The following ASIC4 variants were observed in gnomAD, a reference collection of about 807,000 sequenced individuals.
ASIC4 encodes acid-sensing ion channel 4.
ASIC4 carries 28 observed loss-of-function variants against 53.4 expected under a neutral mutation model. That is an observed-to-expected ratio of 0.52 (90% CI 0.39 to 0.72). The LOEUF is 0.72. ASIC4 is among the 30% of genes least tolerant of loss of function. The probability of loss-of-function intolerance (pLI) is 0.00; values close to 1 mark genes in which losing one functional copy is unlikely to be tolerated. For synonymous variants in ASIC4, 289 were observed against 301.4 expected (o/e 0.96, Z 0.43); for missense variants, 649 against 729.7 (o/e 0.89, Z 1.27).
upstream of ASIC4, chr2:219,514,370 G>A (rs528539886): frequency 3.3e-5 from 51 of 1,545,518 alleles, no homozygotes; most frequent in Admixed American, 4.7e-4. Context: ...CTGGGGCTGC[G>A]CGGCGTGGCG....
intron 5 of ASIC4, chr2:219,533,417 G>GTAAT: frequency 5.5e-6 from 1 of 182,142 alleles, no homozygotes; most frequent in South Asian, 1.3e-4. Flanking sequence ...AGGTGAGAGT[G>GTAAT]GGGGCGACAG....
rs1302864256 is a variant in ASIC4 at position 219,535,337 on chromosome 2, G to A, written c.1229+13G>A. ...AGACCTACATACGGTATGTGTGTGT[G>A]TGTGTGGGGGGTGGCTGTGTGACTC... is the stretch of plus-strand genomic sequence containing the variant. On this transcript the variant is annotated intron_variant, in intron 6 of 9. Transcript: ENST00000358078. 2.5e-6 allele frequency: 4 copies of A among 1,570,708 alleles called. No homozygotes were observed. The highest frequency in any genetic ancestry group is 1.7e-6 in the Non-Finnish European group (2 of 1,158,676).
Position 219,516,023 on chromosome 2 carries a change from T to A in ASIC4, c.582+717T>A, listed in dbSNP as rs1302043041. Among the ~76,000 whole-genome samples, 1 of 152,174 alleles carries A rather than the reference T, an allele frequency of 6.6e-6. No individual in the cohort carries two copies. The highest frequency in any genetic ancestry group is 1.9e-4 in the East Asian group (1 of 5,184). ...TGGGAATCACTGGTTCACTCTTATG[T>A]GCATAACTCACCCTCACTGCTGCCC... is the stretch of plus-strand genomic sequence containing the variant. On this transcript the variant is annotated intron_variant, in intron 1 of 9. Coordinates refer to ENST00000358078, the MANE Select transcript of ASIC4 (RefSeq NM_018674.6). The surrounding 1 kb of genome is among the most constrained non-coding windows in gnomAD (Gnocchi z 4.9).
chr2:219,510,507 C>G (rs1441224996), upstream of ASIC4, among the ~76,000 whole-genome samples: 1 of 152,168 alleles, frequency 6.6e-6, no homozygotes, highest in Non-Finnish European at 1.5e-5. The surrounding 1 kb of genome is among the most constrained non-coding windows in gnomAD (Gnocchi z 5.2). Context: ...CAGCCCTCCC[C>G]CGCAGGCCCC....
rs1695148424 is a variant in ASIC4 at position 219,536,973 on chromosome 2, A to G, written c.1230-93A>G. 1 of 1,124,740 alleles carries G rather than the reference A, an allele frequency of 8.9e-7. No homozygotes were observed. Among genetic ancestry groups the G allele is most frequent in the Admixed American group, 1.9e-5 (1 of 53,924 alleles). 69.7% of individuals were successfully genotyped at this position (1,124,740 alleles called of 1,614,324 possible). ...TAGTCACTGACTTCCCCATGTAGTG[A>G]TCTCTGATCAGGATCTGCTGGATCC... On this transcript the variant is annotated intron_variant, in intron 6 of 9. Transcript: ENST00000358078. The surrounding 1 kb of genome is among the most constrained non-coding windows in gnomAD (Gnocchi z 4.6).
At chr2:219,512,540 G>C (rs188346400), upstream of ASIC4, among the ~76,000 whole-genome samples, 1 of 152,300 alleles carries the variant, frequency 6.6e-6, no homozygotes, top group African/African-American at 2.4e-5. Context: ...GAGGAACAGT[G>C]GGGGGAGTTC....
upstream of ASIC4, among the ~76,000 whole-genome samples, chr2:219,511,576 G>A (rs191888434): frequency 2.2e-4 from 33 of 152,222 alleles, no homozygotes; most frequent in East Asian, 4.5e-3. The surrounding 1 kb of genome is among the most constrained non-coding windows in gnomAD (Gnocchi z 5.3). Context: ...TTCTGACCCC[G>A]CAACACCCAG....
At chr2:219,529,387 A>C (rs1004661539) in intron 1 of ASIC4, among the ~76,000 whole-genome samples, 1 of 152,050 alleles carries the variant, frequency 6.6e-6, no homozygotes, top group African/African-American at 2.4e-5. Context: ...GAAGGAGAGG[A>C]CTTGGGGGAC....
chr2:219,533,092 G>T, intron 5 of ASIC4, 153 bp downstream of exon 5: 1 of 815,606 alleles, frequency 1.2e-6, no homozygotes, highest in Non-Finnish European at 2.1e-6. Context: ...GTGGGGTTGG[G>T]GAGAGGTCTG....
Position 219,514,501 on chromosome 2 carries a change from A to G in ASIC4, c.-224A>G, listed in dbSNP as rs1411403181. ...ACGATCGAGGAGAGAGACAAGCGGCAGCAGAGGCAGCAGCGGCAGAGGCAG... is the reference window on the plus strand; with the variant it reads ...ACGATCGAGGAGAGAGACAAGCGGCGGCAGAGGCAGCAGCGGCAGAGGCAG... On this transcript the variant is annotated 5_prime_UTR_variant, in exon 1 of 10. Coordinates refer to ENST00000358078, the MANE Select transcript of ASIC4 (RefSeq NM_018674.6). 4 of 1,549,118 alleles carry G rather than the reference A, an allele frequency of 2.6e-6. No individual in the cohort carries two copies. The highest frequency in any genetic ancestry group is 2.7e-5 in the African/African-American group (2 of 73,006).
At chr2:219,526,242 C>T (rs1188142593) in intron 1 of ASIC4, among the ~76,000 whole-genome samples, 1 of 152,122 alleles carries the variant, frequency 6.6e-6, no homozygotes, top group Admixed American at 6.5e-5. Flanking sequence ...GGACAACTCT[C>T]TCCCAACCCC....
intron 1 of ASIC4, among the ~76,000 whole-genome samples, chr2:219,526,910 G>T (rs1694970337): frequency 6.6e-6 from 1 of 152,210 alleles, no homozygotes. Context: ...AGGAGGACAT[G>T]GGGGTCTGAG....
chr2:219,537,224 T>A lies in ASIC4; in HGVS notation c.1322-18T>A. 6.2e-7 allele frequency: 1 copy of A among 1,612,618 alleles called. No homozygotes were observed. The highest frequency in any genetic ancestry group is 8.5e-7 in the Non-Finnish European group (1 of 1,178,946). On this transcript the variant is annotated intron_variant, in intron 7 of 9. Coordinates refer to ENST00000358078, the MANE Select transcript of ASIC4 (RefSeq NM_018674.6). This position sits in a 1 kb window ranked among gnomAD's most constrained non-coding sequence, Gnocchi z 4.9. Reference sequence around the variant, plus strand: ...TCGGCCCGGCCGCTCCCTCTGACACTGCTCTCCTGCTTCCCAGGAGACCTC... The same window carrying A: ...TCGGCCCGGCCGCTCCCTCTGACACAGCTCTCCTGCTTCCCAGGAGACCTC...
chr2:219,508,797 G>A, the ASIC4 span, among the ~76,000 whole-genome samples: 3 of 151,822 alleles, frequency 2.0e-5, no homozygotes, highest in Admixed American at 1.3e-4. Context: ...AGGGAACTGG[G>A]GTGGGAAGTG....
intron 1 of ASIC4, among the ~76,000 whole-genome samples, chr2:219,525,890 G>A (rs1399545019): frequency 1.3e-5 from 2 of 152,228 alleles, no homozygotes; most frequent in African/African-American, 4.8e-5. Flanking sequence ...TAGAATTTGG[G>A]GGAAGGGATA....
At chr2:219,515,804 G>A (rs1180284507) in intron 1 of ASIC4, among the ~76,000 whole-genome samples, 6 of 152,196 alleles carry the variant, frequency 3.9e-5, no homozygotes, top group East Asian at 1.9e-4. Context: ...GGCCTGGTGG[G>A]CAGGCTGGAG....
chr2:219,511,638 A>G (rs907429786), upstream of ASIC4, among the ~76,000 whole-genome samples: 6 of 151,886 alleles, frequency 4.0e-5, no homozygotes, highest in Non-Finnish European at 7.4e-5. The surrounding 1 kb of genome is among the most constrained non-coding windows in gnomAD (Gnocchi z 5.3). Flanking sequence ...CCCTTTGCTC[A>G]CACCCAGCTC....
At chr2:219,522,795 G>C (rs1018455112) in intron 1 of ASIC4, among the ~76,000 whole-genome samples, 2 of 152,082 alleles carry the variant, frequency 1.3e-5, no homozygotes, top group Middle Eastern at 3.2e-3. Flanking sequence ...CTCTGGCGCT[G>C]CTGTGTGCGG....
chr2:219,522,378 G>C (rs1281281994), intron 1 of ASIC4, among the ~76,000 whole-genome samples: 3 of 150,990 alleles, frequency 2.0e-5, no homozygotes, highest in Admixed American at 1.3e-4. Flanking sequence ...GCGGCTCGGC[G>C]GGCCCGGAGG....
Sources: allele counts gnomAD v4.1 joint callset (sites outside exome capture counted in the v4.1 genomes callset), GRCh38; gene constraint gnomAD v4.1.1; non-coding constraint Gnocchi (gnomAD v3.1); transcripts MANE v1.5; gene names NCBI Gene and HGNC (gene_info 2026-07-23, HGNC 2026-07-21).